Variants in C11orf65 observed in about 807,000 individuals in gnomAD.
C11orf65 encodes protein MFI.
Under a neutral mutation model 35.3 loss-of-function variants are expected in C11orf65, and 38 were observed. The ratio of observed to expected loss-of-function variants is 1.08; its 90% CI spans 0.83 to 1.41. The LOEUF (loss-of-function observed/expected upper bound fraction) is 1.41. Ranked by LOEUF, C11orf65 falls within the 40% of genes most tolerant of loss-of-function variation. The pLI is 0.00. For missense variants in C11orf65, 370 were observed against 367.1 expected, an observed-to-expected ratio of 1.01 and a Z score of -0.06; for synonymous variants, 105 against 114.4, an observed-to-expected ratio of 0.92 and a Z score of 0.53.
intron 5 of C11orf65, among the ~76,000 whole-genome samples, chr11:108,406,414 T>C (rs1254456015): frequency 6.6e-6 from 1 of 152,142 alleles, no homozygotes; most frequent in African/African-American, 2.4e-5. Context: ...GTGCTGGGAT[T>C]ACAGGCATGA....
At chr11:108,336,992 G>A (rs1445467569) in intron 2 of C11orf65, among the ~76,000 whole-genome samples, 1 of 152,096 alleles carries the variant, frequency 6.6e-6, no homozygotes, top group African/African-American at 2.4e-5. Flanking sequence ...GGGACTATGG[G>A]TGACATGTGC....
At chr11:108,452,000 T>C (rs372715173) in intron 2 of C11orf65, among the ~76,000 whole-genome samples, 1 of 152,098 alleles carries the variant, frequency 6.6e-6, no homozygotes, top group Admixed American at 6.6e-5. Flanking sequence ...TATAAAAAAT[T>C]AATTCAAGAT....
chr11:108,366,441 A>T (rs2091335672), intron 2 of C11orf65: 1 of 221,700 alleles, frequency 4.5e-6, no homozygotes, highest in Non-Finnish European at 9.0e-6. Context: ...AAATGTCTGT[A>T]CTTGATAGAC....
At chr11:108,455,702 G>A (rs1390223149) in intron 2 of C11orf65, among the ~76,000 whole-genome samples, 1 of 151,526 alleles carries the variant, frequency 6.6e-6, no homozygotes, top group African/African-American at 2.4e-5. Flanking sequence ...TGTAATCCCA[G>A]CTACTCGGGA....
At chr11:108,312,579 C>A in intron 6 of C11orf65, 1 of 1,016,262 alleles carries the variant, frequency 9.8e-7, no homozygotes, top group Non-Finnish European at 1.5e-6. Flanking sequence ...TGTACAGATG[C>A]CATGTGATTT....
chr11:108,444,814 A>G (rs545042905), intron 2 of C11orf65, among the ~76,000 whole-genome samples: 38 of 152,228 alleles, frequency 2.5e-4, no homozygotes, highest in African/African-American at 8.9e-4. Context: ...GCATTGCCTC[A>G]CTCCGGCAGC....
chr11:108,330,260 C>G (rs587779863), downstream of C11orf65: 20 of 1,614,172 alleles, frequency 1.2e-5, no homozygotes, highest in Non-Finnish European at 1.7e-5. Flanking sequence ...TGAATTAGCC[C>G]TGCGTGCACT....
chr11:108,349,655 T>G (rs966740829), intron 2 of C11orf65, among the ~76,000 whole-genome samples: 5 of 151,694 alleles, frequency 3.3e-5, no homozygotes, highest in African/African-American at 1.2e-4. Flanking sequence ...AGAGCAAGAC[T>G]GTCTCAAAAA....
rs562034777 is a variant in C11orf65, at chr11:108,401,065, C to A, written c.560+4364G>T. Among the ~76,000 whole-genome samples, 11 of 151,846 alleles carry A rather than the reference C, an allele frequency of 7.2e-5. No individual in the cohort carries two copies. In the South Asian group the frequency reaches 2.3e-3, roughly 32 times the overall value. Reference sequence around the variant, plus strand: ...CAGAGGTTGCAGTGAGCCGAGATTGCGCCACTGCACTCCAGCCTGGGTGAC... The same window carrying A: ...CAGAGGTTGCAGTGAGCCGAGATTGAGCCACTGCACTCCAGCCTGGGTGAC... On this transcript the variant is annotated intron_variant, in intron 6 of 8. Transcript: ENST00000393084.
At chr11:108,454,145 G>A (rs1045703558) in intron 2 of C11orf65, among the ~76,000 whole-genome samples, 7 of 151,860 alleles carry the variant, frequency 4.6e-5, no homozygotes, top group African/African-American at 1.7e-4. Context: ...TTCAGTCTTG[G>A]GAGGTTACAT....
At chr11:108,354,532 CAA>C (rs1489024066) in intron 2 of C11orf65, among the ~76,000 whole-genome samples, 1 of 152,194 alleles carries the variant, frequency 6.6e-6, no homozygotes, top group African/African-American at 2.4e-5. Context: ...CCACAATAAT[CAA>C]AGACTGAGAG....
At chr11:108,375,278 C>G (rs986174079) in intron 2 of C11orf65, among the ~76,000 whole-genome samples, 5 of 152,026 alleles carry the variant, frequency 3.3e-5, no homozygotes, top group African/African-American at 4.8e-5. Flanking sequence ...ATCAGACTAA[C>G]AGCGGATCTT....
intron 2 of C11orf65, among the ~76,000 whole-genome samples, chr11:108,433,822 G>C (rs1389724688): frequency 6.6e-6 from 1 of 151,786 alleles, no homozygotes; most frequent in Admixed American, 6.6e-5. Context: ...GAGAGGAAGG[G>C]AAATCCTTCT....
intron 6 of C11orf65, among the ~76,000 whole-genome samples, chr11:108,398,861 G>C (rs942344028): frequency 6.6e-6 from 1 of 152,210 alleles, no homozygotes; most frequent in Non-Finnish European, 1.5e-5. Context: ...AGTAATGCAG[G>C]CAGAGAAATA....
At chr11:108,406,108 C>T (rs528473407) in intron 5 of C11orf65, among the ~76,000 whole-genome samples, 1 of 152,240 alleles carries the variant, frequency 6.6e-6, no homozygotes, top group South Asian at 2.1e-4. Context: ...CTTATTAAAC[C>T]ACTTAACATG....
intron 2 of C11orf65, among the ~76,000 whole-genome samples, chr11:108,357,503 A>G (rs558087337): frequency 1.4e-4 from 21 of 152,284 alleles, no homozygotes; most frequent in African/African-American, 4.3e-4. Context: ...GGCACAGACA[A>G]ACAAAAAGAC....
chr11:108,461,128 G>A (rs2135756870), intron 2 of C11orf65, among the ~76,000 whole-genome samples: 1 of 152,320 alleles, frequency 6.6e-6, no homozygotes, highest in East Asian at 1.9e-4. Flanking sequence ...CTGGCTGGGT[G>A]CAGTGGCTCA....
intron 3 of C11orf65, among the ~76,000 whole-genome samples, chr11:108,423,468 G>A (rs1290732421): frequency 2.0e-5 from 3 of 152,182 alleles, no homozygotes; most frequent in Non-Finnish European, 4.4e-5. Context: ...GGGAAGGGGT[G>A]GCTGTGGGTG....
At chr11:108,442,523 T>C (rs2093172082) in intron 2 of C11orf65, among the ~76,000 whole-genome samples, 1 of 152,044 alleles carries the variant, frequency 6.6e-6, no homozygotes, top group African/African-American at 2.4e-5. Context: ...CACATAATTG[T>C]CAGATTCACC....
Sources: allele counts gnomAD v4.1 joint callset (sites outside exome capture counted in the v4.1 genomes callset), GRCh38; gene constraint gnomAD v4.1.1; transcripts MANE v1.5; gene names NCBI Gene and HGNC (gene_info 2026-07-23, HGNC 2026-07-21).